LIMA1: variants seen among roughly 807,000 people sequenced by gnomAD.
LIMA1 encodes LIM domain and actin binding 1.
LIMA1 carries 52 observed loss-of-function variants against 62.6 expected under a neutral mutation model. The observed-to-expected ratio is 0.83, with a 90% CI of 0.67 to 1.05. LIMA1 has a LOEUF of 1.05. LIMA1 is among the 50% of genes least tolerant of loss of function. The probability of loss-of-function intolerance (pLI) is 0.00; values close to 1 mark genes in which losing one functional copy is unlikely to be tolerated. For missense variants in LIMA1, 780 were observed against 902.2 expected, an observed-to-expected ratio of 0.86 and a Z score of 1.74; for synonymous variants, 302 against 317.8, an observed-to-expected ratio of 0.95 and a Z score of 0.53.
At chr12:50,181,804 T>C in intron 10 of LIMA1, 100 bp downstream of exon 10, 1 of 1,262,092 alleles carries the variant, frequency 7.9e-7, no homozygotes, top group Non-Finnish European at 1.1e-6. Context: ...TTCAACAGAA[T>C]ATCATTAGCA....
chr12:50,231,146 C>T (rs1592539892), intron 3 of LIMA1, among the ~76,000 whole-genome samples: 1 of 152,114 alleles, frequency 6.6e-6, no homozygotes, highest in South Asian at 2.1e-4. Flanking sequence ...AGTTAGCAAG[C>T]ACGGAGACTA....
chr12:50,180,087 G>A (rs1266856282), intron 10 of LIMA1, among the ~76,000 whole-genome samples: 1 of 151,990 alleles, frequency 6.6e-6, no homozygotes, highest in Non-Finnish European at 1.5e-5. Flanking sequence ...GACTGACTGA[G>A]GTCAGGAGTT....
At position 50,204,321 on chromosome 12, in the gene LIMA1, A is replaced by T. The variant is rs549584850; in HGVS notation, c.864+231T>A. The stretch of plus-strand genomic sequence containing the variant: ...AAACTCTCAATGATACTCACTGGTA[A>T]CATCACAAAAAAAGTGAGTGGGGTG... On this transcript the variant is annotated intron_variant, in intron 6 of 10. Transcript: ENST00000341247. 2.1e-4 allele frequency: 87 copies of T among 420,286 alleles called. 1 individual carries two copies. In the East Asian group the frequency reaches 2.8e-3, roughly 13 times the overall value. 26.0% of individuals were successfully genotyped at this position (420,286 alleles called of 1,614,324 possible). A position where few individuals can be genotyped will look rare whatever the true frequency, so the allele number is the denominator to read the frequency against.
intron 2 of LIMA1, among the ~76,000 whole-genome samples, chr12:50,236,906 G>A (rs576795988): frequency 1.1e-4 from 16 of 152,144 alleles, no homozygotes; most frequent in African/African-American, 3.9e-4. Context: ...TTGTACCACC[G>A]AACTTCTGTT....
At chr12:50,183,012 G>A (rs1456970093) in intron 9 of LIMA1, among the ~76,000 whole-genome samples, 1 of 152,120 alleles carries the variant, frequency 6.6e-6, no homozygotes, top group East Asian at 1.9e-4. Context: ...GACCAGCCTG[G>A]CCAACATGGT....
rs1005957123 is a variant in LIMA1 at position 50,191,721 on chromosome 12, C to T, written c.1140+731G>A. On this transcript the variant is annotated intron_variant, in intron 9 of 10. Coordinates refer to ENST00000341247, the MANE Select transcript of LIMA1 (RefSeq NM_016357.5). ...CCTGTAGTCCCAGCTACTCGGGAGG[C>T]CGAGGTAGGAGAATGGCGTGAACCC... Among the ~76,000 whole-genome samples the T allele has an allele frequency of 5.3e-5, 8 of 152,268 alleles. No homozygotes were observed. The East Asian group carries it at 1.3e-3, about 26-fold the overall frequency.
At chr12:50,203,298 G>A (rs908386025) in intron 6 of LIMA1, among the ~76,000 whole-genome samples, 2 of 151,802 alleles carry the variant, frequency 1.3e-5, no homozygotes, top group African/African-American at 2.4e-5. Context: ...TACGGTGTGA[G>A]CTCCTGCGCC....
intron 1 of LIMA1, among the ~76,000 whole-genome samples, chr12:50,255,530 CTA>C (rs1565860207): frequency 7.9e-6 from 1 of 126,078 alleles, no homozygotes; most frequent in Non-Finnish European, 1.6e-5. Flanking sequence ...TCAACCTGGA[CTA>C]TAGAGCCAGA....
intron 9 of LIMA1, chr12:50,187,056 T>C (rs567986523): frequency 4.3e-4 from 66 of 152,092 alleles, no homozygotes; most frequent in Admixed American, 1.5e-3. Context: ...TATTCTAGAG[T>C]GAATGAGGTA....
At chr12:50,261,042 A>ATATATTTTTTTTTTTTTTTTTTTTTTTT in intron 1 of LIMA1, among the ~76,000 whole-genome samples, 1 of 54,292 alleles carries the variant, frequency 1.8e-5, no homozygotes, top group Admixed American at 3.3e-4. Context: ...CATCTAGTAT[A>ATATATTTTTTTTTTTTTTTTTTTTTTTT]TTTTTTTTTT....
rs186777719 is a variant in LIMA1 at position 50,177,684 on chromosome 12, G to A, written c.1660C>T (p.Pro554Ser). The A allele has an allele frequency of 2.5e-6, 4 of 1,610,370 alleles. No homozygotes were observed. In the East Asian group the frequency reaches 8.9e-5, roughly 36 times the overall value. ...ATTTCGTCTTCAGGAGGCCATTTGG[G>A]CTTTGACATTTTGATCCCTTCCTCC... ...ALEEGIKMSK[P>S]KWPPEDEISK... The change falls in exon 11 of 11, where the codon CCC (proline) becomes TCC (serine). Residue 554 changes from proline to serine, a missense_variant. Coordinates refer to ENST00000341247, the MANE Select transcript of LIMA1 (RefSeq NM_016357.5).
intron 7 of LIMA1, among the ~76,000 whole-genome samples, chr12:50,198,816 C>T (rs2138458736): frequency 6.6e-6 from 1 of 152,212 alleles, no homozygotes; most frequent in South Asian, 2.1e-4. Context: ...ATGATAATTC[C>T]CCTGACATAA....
intron 4 of LIMA1, among the ~76,000 whole-genome samples, chr12:50,215,120 G>T (rs1941320695): frequency 6.6e-6 from 1 of 152,122 alleles, no homozygotes; most frequent in African/African-American, 2.4e-5. Context: ...ACTTTAGCTT[G>T]GTTGCCTTAC....
Position 50,195,836 on chromosome 12 carries a change from C to T in LIMA1, c.1024G>A (p.Asp342Asn). 6.4e-7 allele frequency: 1 copy of T among 1,553,132 alleles called. No homozygotes were observed. The change falls in exon 8 of 11, where the codon GAC becomes AAC. Residue 342 changes from aspartate to asparagine, a missense_variant. Coordinates refer to ENST00000341247, the MANE Select transcript of LIMA1 (RefSeq NM_016357.5). ...TCTAAGAAAGAATGCTTACGGGAGT[C>T]ATCTTCGGCAGGGGTGGAACGGACT... Reference protein sequence around the residue: ...LAVRSTPAEDDSRDSQVKSEV... With the variant: ...LAVRSTPAEDNSRDSQVKSEV...
rs535492365 is a variant in LIMA1, at chr12:50,178,951, C to CAT, written c.1275-884_1275-883dup. Among the ~76,000 whole-genome samples, 1,217 of 138,566 alleles carry CAT rather than the reference C, an allele frequency of 8.8e-3. 16 individuals carry two copies. Among genetic ancestry groups the CAT allele is most frequent in the African/African-American group, 0.03 (1,089 of 36,744 alleles). The allele number at this position is 138,566 out of a possible 152,430, so 90.9% of individuals were successfully genotyped here. On this transcript the variant is annotated intron_variant, in intron 10 of 10. Coordinates refer to ENST00000341247, the MANE Select transcript of LIMA1 (RefSeq NM_016357.5). ...CTCTATTCTTAACGGTATATAAATA[C>CAT]ATATATATATATATATTTTTTTTTT...
At chr12:50,201,392 A>T in intron 6 of LIMA1, 1 of 982,874 alleles carries the variant, frequency 1.0e-6, no homozygotes, top group South Asian at 4.7e-5. Flanking sequence ...TACCATAAAG[A>T]AACCTTTTTG....
intron 8 of LIMA1, among the ~76,000 whole-genome samples, chr12:50,193,990 TA>T (rs1230615405): frequency 0.1 from 8,497 of 84,144 alleles, 490 homozygotes; most frequent in East Asian, 0.39. Flanking sequence ...TATATATATA[TA>T]TATATATTTT....
chr12:50,271,198 G>A (rs1173758799), intron 1 of LIMA1, among the ~76,000 whole-genome samples: 1 of 152,226 alleles, frequency 6.6e-6, no homozygotes, highest in Non-Finnish European at 1.5e-5. Flanking sequence ...TTGAGCCCAG[G>A]AGTTTGAGGC....
chr12:50,273,908 TAG>T (rs1942244562), intron 1 of LIMA1, among the ~76,000 whole-genome samples: 1 of 152,206 alleles, frequency 6.6e-6, no homozygotes, highest in African/African-American at 2.4e-5. Context: ...GAAAATGTAA[TAG>T]GAGTTGATAG....
Sources: gnomAD v4.1 joint callset for allele counts (sites outside exome capture counted in the v4.1 genomes callset) on GRCh38, gnomAD v4.1.1 for gene constraint, MANE v1.5 for transcripts, NCBI Gene and HGNC (gene_info 2026-07-23, HGNC 2026-07-21) for gene names.